The following NRXN3 variants were observed in gnomAD, a reference collection of about 807,000 sequenced individuals.
NRXN3 encodes neurexin 3.
A neutral mutation model predicts 137.6 loss-of-function variants in NRXN3; 32 were observed. The observed-to-expected ratio is 0.23, with a 90% confidence interval of 0.18 to 0.31. The LOEUF (loss-of-function observed/expected upper bound fraction) is 0.31, where lower values mean the gene tolerates loss of function less well. Among genes scored for constraint, NRXN3 ranks in the 10% least tolerant of loss-of-function variants. NRXN3 has a pLI of 1.00. For synonymous variants in NRXN3, 798 were observed against 784.5 expected (o/e 1.02, Z -0.29); for missense variants, 1,574 against 2,062.5 (o/e 0.76, Z 4.59).
intron 10 of NRXN3, among the ~76,000 whole-genome samples, chr14:78,907,634 GA>G (rs2099222300): frequency 6.6e-6 from 1 of 151,954 alleles, no homozygotes; most frequent in South Asian, 2.1e-4. Context: ...TACATAATAA[GA>G]AGAACATATT....
chr14:79,108,310 GAAA>G (rs1251597405), intron 15 of NRXN3, among the ~76,000 whole-genome samples: 9 of 152,132 alleles, frequency 5.9e-5, no homozygotes, highest in African/African-American at 2.2e-4. Flanking sequence ...TGCTTAGAAT[GAAA>G]ATCATCTGTT....
In NRXN3 at chr14:79,767,822, G is replaced by A. The variant is rs559859176; in HGVS notation, c.4015-37290G>A. Among the ~76,000 whole-genome samples the A allele has an allele frequency of 1.4e-3, 213 of 152,292 alleles. 1 individual carries two copies. Among genetic ancestry groups the A allele is most frequent in the African/African-American group, 4.5e-3 (189 of 41,562 alleles). On this transcript the variant is annotated intron_variant, in intron 19 of 20. Transcript: ENST00000335750. ...GTCTACAGCTCCCAGCGGGAGCAAC[G>A]CAGAAGATGGGTGATTTCTGCATTT...
At position 79,866,388 on chromosome 14, in the gene NRXN3, G is replaced by A. The variant is rs2099418084; in HGVS notation, c.*4424G>A. The A allele has an allele frequency of 6.6e-6, 1 of 152,138 alleles. No individual in the cohort carries two copies. The highest frequency in any genetic ancestry group is 2.4e-5 in the African/African-American group (1 of 41,424). The allele number at this position is 152,138 out of a possible 1,614,324, so 9.4% of individuals were successfully genotyped here. ...GCTATCAAAAAGTACAAACTAAGTT[G>A]GGAGCTTAGAAGAAATTATGTAAGG... On this transcript the variant is annotated 3_prime_UTR_variant, in exon 21 of 21. Transcript: ENST00000335750.
intron 4 of NRXN3, among the ~76,000 whole-genome samples, chr14:78,536,239 C>A (rs1458616635): frequency 1.3e-5 from 2 of 152,228 alleles, no homozygotes; most frequent in Non-Finnish European, 2.9e-5. Context: ...CAGTGTTCAT[C>A]AAACAATGGC....
intron 8 of NRXN3, among the ~76,000 whole-genome samples, chr14:78,758,746 T>C (rs2098680116): frequency 6.6e-6 from 1 of 152,212 alleles, no homozygotes; most frequent in African/African-American, 2.4e-5. Flanking sequence ...CTTATACCTC[T>C]AGGGTTTACT....
intron 19 of NRXN3, among the ~76,000 whole-genome samples, chr14:79,708,243 C>G (rs1472786897): frequency 2.7e-5 from 4 of 149,238 alleles, no homozygotes; most frequent in Non-Finnish European, 5.9e-5. Context: ...AACTATTTAC[C>G]TAGCACTTAC....
At chr14:79,683,046 A>G (rs551618899) in intron 17 of NRXN3, among the ~76,000 whole-genome samples, 3 of 152,302 alleles carry the variant, frequency 2.0e-5, no homozygotes, top group African/African-American at 7.2e-5. Flanking sequence ...TTCTTCAAAG[A>G]AACTCTAATT....
intron 16 of NRXN3, among the ~76,000 whole-genome samples, chr14:79,519,187 A>G (rs1035530379): frequency 6.7e-5 from 8 of 119,920 alleles, no homozygotes; most frequent in African/African-American, 2.7e-4. Flanking sequence ...GATATTCTCT[A>G]TCTCCCAAGT....
intron 10 of NRXN3, among the ~76,000 whole-genome samples, chr14:78,874,200 G>C (rs1313554715): frequency 6.6e-6 from 1 of 152,086 alleles, no homozygotes; most frequent in African/African-American, 2.4e-5. Flanking sequence ...TTGAACTCTT[G>C]ACCTCAAGTG....
chr14:79,540,053 G>A (rs1051224144), intron 16 of NRXN3, among the ~76,000 whole-genome samples: 1 of 152,006 alleles, frequency 6.6e-6, no homozygotes, highest in Non-Finnish European at 1.5e-5. Flanking sequence ...CTCATATTAG[G>A]CAATTACAGT....
At chr14:79,290,874 C>T (rs1240127796) in intron 15 of NRXN3, among the ~76,000 whole-genome samples, 1 of 152,062 alleles carries the variant, frequency 6.6e-6, no homozygotes, top group East Asian at 1.9e-4. Flanking sequence ...CTGAAAGTCT[C>T]TTATAAGAAA....
chr14:79,054,172 A>C (rs1208691053), intron 15 of NRXN3, among the ~76,000 whole-genome samples: 1 of 55,850 alleles, frequency 1.8e-5, no homozygotes, highest in African/African-American at 7.4e-5. Context: ...GGGTGGGGGG[A>C]GGGGAGAGGG....
At chr14:78,478,223 T>G (rs543554366) in intron 4 of NRXN3, among the ~76,000 whole-genome samples, 1 of 152,164 alleles carries the variant, frequency 6.6e-6, no homozygotes, top group South Asian at 2.1e-4. Context: ...GAAAATGGCT[T>G]TATATTATAC....
intron 4 of NRXN3, among the ~76,000 whole-genome samples, chr14:78,344,242 C>T (rs1051650501): frequency 6.6e-6 from 1 of 152,188 alleles, no homozygotes; most frequent in Non-Finnish European, 1.5e-5. Context: ...TGGTTCAGCA[C>T]CAGAATTTAA....
At chr14:79,185,278 ATCT>A (rs1398326239) in intron 15 of NRXN3, among the ~76,000 whole-genome samples, 2 of 152,180 alleles carry the variant, frequency 1.3e-5, no homozygotes, top group Non-Finnish European at 2.9e-5. Context: ...GTCTTCTCTC[ATCT>A]TCTTCATGTG....
chr14:78,738,269 A>G (rs1213509979), intron 8 of NRXN3, among the ~76,000 whole-genome samples: 2 of 152,226 alleles, frequency 1.3e-5, no homozygotes, highest in East Asian at 1.9e-4. Flanking sequence ...GGCAGGTATC[A>G]TCCTTCCCCT....
At chr14:79,490,699 G>T (rs2096708274) in intron 16 of NRXN3, among the ~76,000 whole-genome samples, 1 of 151,182 alleles carries the variant, frequency 6.6e-6, no homozygotes, top group South Asian at 2.1e-4. Context: ...GGAGGTGGGG[G>T]TGGTTAATGA....
intron 19 of NRXN3, among the ~76,000 whole-genome samples, chr14:79,730,700 C>A (rs1053759127): frequency 1.3e-5 from 2 of 152,144 alleles, no homozygotes; most frequent in African/African-American, 4.8e-5. Flanking sequence ...ACAAACTGTG[C>A]TCCCGAACGA....
chr14:79,596,506 C>T (rs1213549448), intron 16 of NRXN3, among the ~76,000 whole-genome samples: 9 of 152,074 alleles, frequency 5.9e-5, no homozygotes, highest in Non-Finnish European at 8.8e-5. Flanking sequence ...ACACGAAAAG[C>T]GGCTCAACAG....
Sources: allele counts gnomAD v4.1 joint callset (sites outside exome capture counted in the v4.1 genomes callset), GRCh38; gene constraint gnomAD v4.1.1; transcripts MANE v1.5; gene names NCBI Gene and HGNC (gene_info 2026-07-23, HGNC 2026-07-21).